The following TNFRSF21 variants were observed in gnomAD, a reference collection of about 807,000 sequenced individuals.
TNFRSF21 encodes the protein TNF receptor superfamily member 21.
Under a neutral mutation model 45.6 loss-of-function variants are expected in TNFRSF21, and 19 were observed. The observed-to-expected ratio is 0.42, with a 90% CI of 0.29 to 0.61. The LOEUF is 0.61. TNFRSF21 is among the 20% of genes least tolerant of loss of function. The probability of loss-of-function intolerance (pLI) is 0.23; values close to 1 mark genes in which losing one functional copy is unlikely to be tolerated. For synonymous variants in TNFRSF21, 314 were observed against 335.5 expected, an observed-to-expected ratio of 0.94 and a Z score of 0.70; for missense variants, 737 against 851.5, an observed-to-expected ratio of 0.87 and a Z score of 1.67.
intron 4 of TNFRSF21, among the ~76,000 whole-genome samples, chr6:47,245,069 AT>A (rs1252803137): frequency 6.6e-6 from 1 of 152,162 alleles, no homozygotes; most frequent in African/African-American, 2.4e-5. Flanking sequence ...TTTCCTCCCA[AT>A]GCACTTTTTG....
chr6:47,302,793 G>C (rs1341170525), intron 1 of TNFRSF21, among the ~76,000 whole-genome samples: 1 of 152,124 alleles, frequency 6.6e-6, no homozygotes, highest in East Asian at 1.9e-4. Flanking sequence ...CCAACAACTT[G>C]CAGAAAAAGC....
intron 1 of TNFRSF21, among the ~76,000 whole-genome samples, chr6:47,299,034 GAA>G (rs1175377522): frequency 6.6e-6 from 1 of 152,116 alleles, no homozygotes; most frequent in Non-Finnish European, 1.5e-5. Flanking sequence ...ACTAAAGTCC[GAA>G]AAGTCAACAA....
At chr6:47,269,621 T>C (rs1172688033) in intron 3 of TNFRSF21, among the ~76,000 whole-genome samples, 1 of 152,224 alleles carries the variant, frequency 6.6e-6, no homozygotes, top group Non-Finnish European at 1.5e-5. Flanking sequence ...GACTGACCAT[T>C]TAGCTTCTCT....
chr6:47,253,635 TG>T, intron 3 of TNFRSF21, 114 bp from the exon 4 acceptor site: 1 of 1,286,968 alleles, frequency 7.8e-7, no homozygotes, highest in Non-Finnish European at 1.1e-6. Flanking sequence ...TATCGCTGTA[TG>T]TCAAAGGAAT....
At chr6:47,264,079 C>A (rs192024738) in intron 3 of TNFRSF21, among the ~76,000 whole-genome samples, 2 of 152,122 alleles carry the variant, frequency 1.3e-5, no homozygotes, top group Non-Finnish European at 2.9e-5. Context: ...TAATACCTGA[C>A]CAGGTTGACT....
intron 3 of TNFRSF21, among the ~76,000 whole-genome samples, chr6:47,270,422 C>A (rs1235255302): frequency 6.6e-6 from 1 of 152,182 alleles, no homozygotes; most frequent in Non-Finnish European, 1.5e-5. Context: ...GCTGAGGGAC[C>A]TGACTGTTAG....
chr6:47,284,800 A>G (rs1474518772), intron 2 of TNFRSF21, among the ~76,000 whole-genome samples: 2 of 152,196 alleles, frequency 1.3e-5, no homozygotes, highest in Non-Finnish European at 2.9e-5. Flanking sequence ...AAATTTAATT[A>G]TTTTGTCCAT....
At position 47,286,064 on chromosome 6, in the gene TNFRSF21, C is replaced by T. The variant is rs138310721; in HGVS notation, c.628G>A (p.Val210Ile). ...GAGAAGGACGGGAGTGTGCCACAGA[C>T]GTTGTCTGTCTCCTTGGTCCCCGGC... ...IKPGTKETDN[V>I]CGTLPSFSSS... The change falls in exon 2 of 6, where the codon GTC (valine) becomes ATC (isoleucine). Residue 210 changes from valine (V) to isoleucine (I), a missense_variant. Physicochemically the swap from Val to Ile is conservative, Grantham distance 29. Transcript: ENST00000296861. 45 of 1,614,046 alleles carry T rather than the reference C, an allele frequency of 2.8e-5. No individual in the cohort carries two copies. The highest frequency in any genetic ancestry group is 4.5e-5 in the East Asian group (2 of 44,888).
At chr6:47,297,416 A>G (rs894858115) in intron 1 of TNFRSF21, among the ~76,000 whole-genome samples, 4 of 152,132 alleles carry the variant, frequency 2.6e-5, no homozygotes, top group Non-Finnish European at 5.9e-5. Context: ...ACTCCCGCCA[A>G]CTTAACAATG....
chr6:47,287,128 T>C (rs1343671901), intron 1 of TNFRSF21, among the ~76,000 whole-genome samples: 1 of 151,688 alleles, frequency 6.6e-6, no homozygotes, highest in Non-Finnish European at 1.5e-5. Context: ...GCTGACATGG[T>C]AAAACCCCAT....
chr6:47,270,426 C>T (rs1003215584), intron 3 of TNFRSF21, among the ~76,000 whole-genome samples: 11 of 152,316 alleles, frequency 7.2e-5, no homozygotes, highest in East Asian at 3.9e-4. Flanking sequence ...AGGGACCTGA[C>T]TGTTAGAAGG....
At chr6:47,267,988 A>G (rs1309036757) in intron 3 of TNFRSF21, among the ~76,000 whole-genome samples, 1 of 152,194 alleles carries the variant, frequency 6.6e-6, no homozygotes, top group African/African-American at 2.4e-5. Flanking sequence ...TTGAGGAGAA[A>G]TATGTTGCAA....
At chr6:47,271,169 C>G (rs190942966) in intron 3 of TNFRSF21, among the ~76,000 whole-genome samples, 3,263 of 152,242 alleles carry the variant, frequency 0.021, 137 homozygotes, top group African/African-American at 0.075. Context: ...ACAGAGACCA[C>G]AAAGATACTC....
At chr6:47,249,219 T>C (rs942271519) in intron 4 of TNFRSF21, among the ~76,000 whole-genome samples, 5 of 152,246 alleles carry the variant, frequency 3.3e-5, no homozygotes, top group Non-Finnish European at 7.3e-5. Context: ...CTTGATGGCA[T>C]TGACTTTGTC....
intron 5 of TNFRSF21, 27 bp from the exon 6 acceptor site, chr6:47,233,021 C>T (rs200926022): frequency 1.9e-6 from 3 of 1,610,712 alleles, no homozygotes; most frequent in African/African-American, 2.7e-5. Context: ...GAAGCAAAGA[C>T]AGCTGTAAGG....
intron 3 of TNFRSF21, among the ~76,000 whole-genome samples, chr6:47,267,319 C>T (rs77274535): frequency 0.13 from 19,384 of 151,956 alleles, 2,018 homozygotes; most frequent in East Asian, 0.46. Flanking sequence ...AGGCTGGTCT[C>T]GAACTCCTGA....
chr6:47,279,219 T>A (rs1361340063), intron 3 of TNFRSF21, among the ~76,000 whole-genome samples: 1 of 151,942 alleles, frequency 6.6e-6, no homozygotes, highest in Non-Finnish European at 1.5e-5. Flanking sequence ...TGCAAATAGT[T>A]AAAGAGGGAG....
chr6:47,234,693 C>T lies in TNFRSF21; in HGVS notation c.1715G>A (p.Arg572Lys). 6.2e-7 allele frequency: 1 copy of T among 1,610,496 alleles called. No individual in the cohort carries two copies. Residue 572 changes from arginine (R) to lysine (K), a missense_variant, in exon 5 of 6, where the codon AGG becomes AAG. By Grantham distance (26) the Arg-to-Lys change is conservative. Transcript: ENST00000296861. ...STSSGSSALS[R>K]NGSFITKEKK... ...ACCTTTGGTAATAAAGGAACCGTTC[C>T]TGCTCAGCGCGGAGGAGCCGCTGGA...
intron 3 of TNFRSF21, among the ~76,000 whole-genome samples, chr6:47,281,570 G>C (rs533176260): frequency 6.6e-6 from 1 of 152,038 alleles, no homozygotes; most frequent in Non-Finnish European, 1.5e-5. Flanking sequence ...TAGTAGATAC[G>C]AGGTTTCGCC....
Sources: allele counts gnomAD v4.1 joint callset (sites outside exome capture counted in the v4.1 genomes callset), GRCh38; gene constraint gnomAD v4.1.1; transcripts MANE v1.5; gene names NCBI Gene and HGNC (gene_info 2026-07-23, HGNC 2026-07-21).